Variants in HID1 observed in about 807,000 individuals in gnomAD.
The protein encoded by HID1 is HID1 domain containing, also known as protein HID1.
A neutral mutation model predicts 89.7 loss-of-function variants in HID1; 42 were observed. The ratio of observed to expected loss-of-function variants is 0.47; its 90% confidence interval spans 0.37 to 0.61. The LOEUF is 0.61. Among genes scored for constraint, HID1 ranks in the 20% least tolerant of loss-of-function variants. The pLI, the probability that HID1 is intolerant of heterozygous loss-of-function variation, is 0.00. For synonymous variants in HID1, 442 were observed against 433.8 expected (o/e 1.02, Z -0.24); for missense variants, 854 against 1,039.3 (o/e 0.82, Z 2.45).
intron 1 of HID1, among the ~76,000 whole-genome samples, chr17:74,968,371 C>T (rs1158590607): frequency 6.6e-6 from 1 of 152,160 alleles, no homozygotes; most frequent in African/African-American, 2.4e-5. Flanking sequence ...AGCCTGGCCA[C>T]AGAGCAGGGC....
At chr17:74,954,492 G>C in intron 13 of HID1, 127 bp from the exon 14 acceptor site, 1 of 1,498,882 alleles carries the variant, frequency 6.7e-7, no homozygotes, top group Non-Finnish European at 8.9e-7. Flanking sequence ...GTTGGAGATG[G>C]TACAGGGAGC....
rs1459296759 is a variant in HID1, at chr17:74,954,376, G to A, written c.1637-11C>T. ...CCAGGTTGGAGTTGCCTGTGGGCAG[G>A]GAGCATGCCTCGCCTCAGGGAGGCC... On this transcript the variant is annotated splice_polypyrimidine_tract_variant and intron_variant, in intron 13 of 18. Coordinates refer to ENST00000425042, the MANE Select transcript of HID1 (RefSeq NM_030630.3). 3.2e-6 allele frequency: 5 copies of A among 1,556,866 alleles called. No individual in the cohort carries two copies. The East Asian group carries it at 1.2e-4, about 38-fold the overall frequency.
intron 16 of HID1, among the ~76,000 whole-genome samples, chr17:74,952,725 A>C (rs113666099): frequency 7.7e-4 from 118 of 152,274 alleles, no homozygotes; most frequent in African/African-American, 2.4e-3. Flanking sequence ...TGATTTATTA[A>C]GGAAGAGAGC....
At chr17:74,964,896 A>T (rs1196202996) in intron 1 of HID1, among the ~76,000 whole-genome samples, 1 of 152,168 alleles carries the variant, frequency 6.6e-6, no homozygotes, top group Non-Finnish European at 1.5e-5. Context: ...ACCCCTGAGG[A>T]GGTGTGTGAC....
chr17:74,952,969 C>A, intron 16 of HID1, 37 bp downstream of exon 16: 1 of 1,533,906 alleles, frequency 6.5e-7, no homozygotes, highest in East Asian at 2.4e-5. Context: ...TGCCCAAACC[C>A]CAGCCCCCGC....
intron 16 of HID1, 133 bp from the exon 17 acceptor site, chr17:74,952,493 C>G (rs2039319094): frequency 1.6e-6 from 1 of 642,606 alleles, no homozygotes; most frequent in Non-Finnish European, 2.8e-6. Context: ...GAGCCTGGCA[C>G]CAAGCAGGAC....
At chr17:74,954,115 T>C (rs549075805) in intron 14 of HID1, 23 bp downstream of exon 14, 1 of 1,566,494 alleles carries the variant, frequency 6.4e-7, no homozygotes, top group South Asian at 1.2e-5. Context: ...TCCACACTCC[T>C]GTCCCATCCA....
rs1202791712 is a variant in HID1 at position 74,959,037 on chromosome 17, G to A, written c.1023C>T (p.Ile341=). Residue 341 remains isoleucine, a synonymous_variant, in exon 9 of 19, where the codon ATC becomes ATT. Coordinates refer to ENST00000425042, the MANE Select transcript of HID1 (RefSeq NM_030630.3). The surrounding 1 kb of genome is among the most constrained non-coding windows in gnomAD (Gnocchi z 4.6). The part of the protein sequence containing the change: ...RIHREEDFQF[I]LKGIARLLSN... The stretch of plus-strand genomic sequence containing the variant: ...ACAGCAGCCGGGCTATACCCTTGAG[G>A]ATGAACTGGAAGTCCTGGGGGCGAG... The A allele has an allele frequency of 3.2e-6, 5 of 1,572,168 alleles. No homozygotes were observed. The Admixed American group carries it at 6.1e-5, about 19-fold the overall frequency.
chr17:74,963,135 G>A lies in HID1; in HGVS notation c.388-54C>T, dbSNP rs919960180. On this transcript the variant is annotated intron_variant, in intron 3 of 18. Coordinates refer to ENST00000425042, the MANE Select transcript of HID1 (RefSeq NM_030630.3). ...CAGTGATAGCTGGCCAGGAAGAGGTGGCCCAGGGCTTGGGGGTGGTGGAGG... is the reference window on the plus strand; with the variant it reads ...CAGTGATAGCTGGCCAGGAAGAGGTAGCCCAGGGCTTGGGGGTGGTGGAGG... 15 of 1,348,824 alleles carry A rather than the reference G, an allele frequency of 1.1e-5. No homozygotes were observed. In the African/African-American group the frequency reaches 2.0e-4, roughly 18 times the overall value. 83.6% of individuals were successfully genotyped at this position (1,348,824 alleles called of 1,614,324 possible).
Position 74,951,241 on chromosome 17 carries a change from G to A in HID1, c.*329C>T. 2 of 385,966 alleles carry A rather than the reference G, an allele frequency of 5.2e-6. No individual in the cohort carries two copies. Among genetic ancestry groups the A allele is most frequent in the East Asian group, 4.7e-5 (1 of 21,266 alleles). The allele number at this position is 385,966 out of a possible 1,614,324, so 23.9% of individuals were successfully genotyped here. A position where few individuals can be genotyped will look rare whatever the true frequency, so the allele number is the denominator to read the frequency against. On this transcript the variant is annotated 3_prime_UTR_variant, in exon 19 of 19. Coordinates refer to ENST00000425042, the MANE Select transcript of HID1 (RefSeq NM_030630.3). ...GTGACCCATTGGCTTCTGCCTCTGG[G>A]GCTGGGTAGCACAGGAGTGGGTGGG...
intron 6 of HID1, among the ~76,000 whole-genome samples, chr17:74,960,800 C>T (rs540223001): frequency 5.3e-5 from 8 of 152,208 alleles, no homozygotes; most frequent in Non-Finnish European, 1.2e-4. Flanking sequence ...AAGAATAAGG[C>T]GTGTCATGTA....
At position 74,961,781 on chromosome 17, in the gene HID1, C is replaced by G. The variant is rs369196219; in HGVS notation, c.728+92G>C. On this transcript the variant is annotated intron_variant, in intron 6 of 18. Transcript: ENST00000425042. ...TCACCACCAGGGGGCAGCACCTCCC[C>G]TCAAACGAGACCCAGAGCTGGCGAA... 34 of 717,114 alleles carry G rather than the reference C, an allele frequency of 4.7e-5. No homozygotes were observed. The East Asian group carries it at 6.0e-4, about 13-fold the overall frequency. 44.4% of individuals were successfully genotyped at this position (717,114 alleles called of 1,614,324 possible).
intron 18 of HID1, 51 bp downstream of exon 18, chr17:74,951,854 C>A (rs374215717): frequency 3.0e-4 from 434 of 1,469,416 alleles, no homozygotes; most frequent in Non-Finnish European, 3.8e-4. Context: ...CCCTGTTGAG[C>A]CCTGCTGGGC....
At position 74,958,510 on chromosome 17, in the gene HID1, G is replaced by T; in HGVS notation, c.1241-32C>A. On this transcript the variant is annotated intron_variant, in intron 10 of 18. Coordinates refer to ENST00000425042, the MANE Select transcript of HID1 (RefSeq NM_030630.3). The surrounding 1 kb of genome is among the most constrained non-coding windows in gnomAD (Gnocchi z 5.2). ...CAGGTGGCGTGGGAGGGGTCACTCG[G>T]GTGGGAGGGGGAAGGAGGGGCCCAG... The T allele has an allele frequency of 6.4e-7, 1 of 1,573,968 alleles. No homozygotes were observed. Among genetic ancestry groups the T allele is most frequent in the Non-Finnish European group, 8.6e-7 (1 of 1,160,008 alleles).
chr17:74,959,742 G>T lies in HID1; in HGVS notation c.1008+139C>A. 1.1e-6 allele frequency: 1 copy of T among 901,036 alleles called. No homozygotes were observed. Among genetic ancestry groups the T allele is most frequent in the Non-Finnish European group, 1.8e-6 (1 of 563,100 alleles). The allele number at this position is 901,036 out of a possible 1,614,324, so 55.8% of individuals were successfully genotyped here. On this transcript the variant is annotated intron_variant, in intron 8 of 18. Transcript: ENST00000425042. The surrounding 1 kb of genome is among the most constrained non-coding windows in gnomAD (Gnocchi z 4.6). Reference sequence around the variant, plus strand: ...CTTCCTGCATCTTGAAACCCTCACAGTCCTGCCACTATTTCACCTAGGGTG... The same window carrying T: ...CTTCCTGCATCTTGAAACCCTCACATTCCTGCCACTATTTCACCTAGGGTG...
Position 74,952,018 on chromosome 17 carries a change from G to T in HID1, c.2190C>A (p.Gly730=). The change falls in exon 18 of 19, where the codon GGC becomes GGA. Residue 730 remains glycine (G), a synonymous_variant. Coordinates refer to ENST00000425042, the MANE Select transcript of HID1 (RefSeq NM_030630.3). ...ESEILRFLQH[G]TLVGLLPVPH... ...GCACGGGCAGCAGCCCCACCAGGGTGCCATGCTGCAGGAACCGCAGGATCT... is the reference window on the plus strand; with the variant it reads ...GCACGGGCAGCAGCCCCACCAGGGTTCCATGCTGCAGGAACCGCAGGATCT... 6.4e-7 allele frequency: 1 copy of T among 1,559,852 alleles called. No homozygotes were observed. Among genetic ancestry groups the T allele is most frequent in the Non-Finnish European group, 8.7e-7 (1 of 1,151,446 alleles).
At chr17:74,966,359 T>A (rs2039563683) in intron 1 of HID1, among the ~76,000 whole-genome samples, 1 of 151,704 alleles carries the variant, frequency 6.6e-6, no homozygotes, top group Non-Finnish European at 1.5e-5. Context: ...TCTGGGTGGT[T>A]TTATATTTTT....
chr17:74,968,878 C>G (rs1268353889), intron 1 of HID1, among the ~76,000 whole-genome samples: 1 of 152,186 alleles, frequency 6.6e-6, no homozygotes, highest in Non-Finnish European at 1.5e-5. Flanking sequence ...GGACTAAATC[C>G]AAAATGAAGA....
At chr17:74,955,456 G>A (rs1298201260) in intron 13 of HID1, among the ~76,000 whole-genome samples, 6 of 151,944 alleles carry the variant, frequency 3.9e-5, no homozygotes, top group African/African-American at 1.5e-4. Context: ...AGCCAAGATC[G>A]CGCCACTGCA....
Sources: allele counts gnomAD v4.1 joint callset (sites outside exome capture counted in the v4.1 genomes callset), GRCh38; gene constraint gnomAD v4.1.1; non-coding constraint Gnocchi (gnomAD v3.1); transcripts MANE v1.5; gene names NCBI Gene and HGNC (gene_info 2026-07-23, HGNC 2026-07-21).